Variants in WHRN observed in about 807,000 individuals in gnomAD.
The protein encoded by WHRN is whirlin, also known as CASK-interacting protein CIP98.
WHRN carries 41 observed loss-of-function variants against 68.3 expected under a neutral mutation model. The observed-to-expected ratio is 0.60, with a 90% CI of 0.47 to 0.78. The LOEUF is 0.78. WHRN is among the 30% of genes least tolerant of loss of function. WHRN has a pLI of 0.00. For missense variants in WHRN, 1,243 were observed against 1,244.7 expected (o/e 1.00, Z 0.02); for synonymous variants, 560 against 561.3 (o/e 1.00, Z 0.03).
At chr9:114,448,344 G>A (rs531463982) in intron 3 of WHRN, among the ~76,000 whole-genome samples, 46 of 152,234 alleles carry the variant, frequency 3.0e-4, no homozygotes, top group African/African-American at 8.4e-4. Flanking sequence ...CTGGAAGAGC[G>A]GTTGGAGGGA....
intron 1 of WHRN, among the ~76,000 whole-genome samples, chr9:114,483,380 T>A (rs1451131835): frequency 1.3e-5 from 2 of 152,238 alleles, no homozygotes; most frequent in African/African-American, 4.8e-5. Context: ...CTGCTCCTAC[T>A]GCCTTCTTGT....
In WHRN at chr9:114,403,305, C is replaced by T. The variant is rs762248099; in HGVS notation, c.2453G>A (p.Arg818His). The T allele has an allele frequency of 2.4e-5, 38 of 1,614,002 alleles. No homozygotes were observed. The South Asian group carries it at 3.1e-4, about 13-fold the overall frequency. Residue 818 changes from arginine (R) to histidine (H), a missense_variant, in exon 11 of 12, where the codon CGT becomes CAT. Physicochemically the swap from Arg to His is conservative, Grantham distance 29. Transcript: ENST00000362057. ...GLLEPTSTLV[R>H]VKKSAATLGI... Reference sequence around the variant, plus strand: ...CAGGGTGGCCGCACTTTTCTTCACACGGACCAGAGTGGACGTGGGCTCCAG... The same window carrying T: ...CAGGGTGGCCGCACTTTTCTTCACATGGACCAGAGTGGACGTGGGCTCCAG...
chr9:114,412,414 G>A (rs998884868), intron 7 of WHRN, among the ~76,000 whole-genome samples: 2 of 152,184 alleles, frequency 1.3e-5, no homozygotes, highest in African/African-American at 4.8e-5. Context: ...GAGCCTCAGT[G>A]AGGGCATAGA....
intron 1 of WHRN, chr9:114,503,121 C>G: frequency 1.0e-6 from 1 of 985,462 alleles, no homozygotes. Flanking sequence ...ACACAGGCCA[C>G]TGAACGGCAC....
At chr9:114,490,735 C>T (rs1188596951) in intron 1 of WHRN, among the ~76,000 whole-genome samples, 7 of 152,040 alleles carry the variant, frequency 4.6e-5, no homozygotes, top group Admixed American at 4.6e-4. Flanking sequence ...TGAGTTAAGG[C>T]TGTGTGAAAA....
chr9:114,472,323 G>A (rs1161161389), intron 2 of WHRN, among the ~76,000 whole-genome samples: 2 of 152,214 alleles, frequency 1.3e-5, no homozygotes, highest in Non-Finnish European at 1.5e-5. Flanking sequence ...CATGCCTGCT[G>A]CCTCACTCCT....
At chr9:114,415,749 A>C (rs1835771065) in intron 7 of WHRN, among the ~76,000 whole-genome samples, 1 of 152,232 alleles carries the variant, frequency 6.6e-6, no homozygotes, top group South Asian at 2.1e-4. Flanking sequence ...GCTGCATAGA[A>C]GAAGGAGTGG....
chr9:114,502,734 A>C (rs1168442396), intron 1 of WHRN, among the ~76,000 whole-genome samples: 3 of 152,186 alleles, frequency 2.0e-5, no homozygotes, highest in African/African-American at 7.2e-5. Context: ...AAGTCTTTTT[A>C]AATTGCCACT....
chr9:114,403,451 CT>C (rs1834812148), intron 10 of WHRN, 112 bp from the exon 11 acceptor site: 1 of 1,434,268 alleles, frequency 7.0e-7, no homozygotes, highest in African/African-American at 1.4e-5. Flanking sequence ...GGCTCCAGCC[CT>C]GTGTCGGGAG....
At chr9:114,411,377 T>G (rs1350313299) in intron 7 of WHRN, among the ~76,000 whole-genome samples, 1 of 152,142 alleles carries the variant, frequency 6.6e-6, no homozygotes, top group East Asian at 1.9e-4. Flanking sequence ...CTCAGAGGTA[T>G]CTACAGCAAA....
intron 3 of WHRN, among the ~76,000 whole-genome samples, chr9:114,433,076 G>A (rs1837554245): frequency 6.6e-6 from 1 of 152,198 alleles, no homozygotes. Context: ...GCTGGGATCT[G>A]GCCTTCATTC....
rs572385753 is a variant in WHRN at position 114,444,000 on chromosome 9, C to T, written c.964-17587G>A. On this transcript the variant is annotated intron_variant, in intron 3 of 11. Transcript: ENST00000362057. ...AAATCATGGGCACTCATGAGACTTA[C>T]TACCACGAGAGCAGTATGGGGTTTC... Among the ~76,000 whole-genome samples, 275 of 152,356 alleles carry T rather than the reference C, an allele frequency of 1.8e-3. 1 individual carries two copies. The highest frequency in any genetic ancestry group is 6.5e-3 in the African/African-American group (270 of 41,574).
At chr9:114,493,932 A>G (rs1392150842) in intron 1 of WHRN, among the ~76,000 whole-genome samples, 1 of 152,234 alleles carries the variant, frequency 6.6e-6, no homozygotes, top group African/African-American at 2.4e-5. Context: ...GCTGGGCTGT[A>G]TGCCGTGCTT....
chr9:114,432,491 A>C (rs918374874), intron 3 of WHRN, among the ~76,000 whole-genome samples: 1 of 152,224 alleles, frequency 6.6e-6, no homozygotes, highest in African/African-American at 2.4e-5. Context: ...TGTGTTGTGC[A>C]AAGTACACCA....
At chr9:114,436,905 TAAA>T (rs957331957) in intron 3 of WHRN, among the ~76,000 whole-genome samples, 2 of 151,758 alleles carry the variant, frequency 1.3e-5, no homozygotes, top group African/African-American at 4.8e-5. Context: ...TAATGAAAAA[TAAA>T]AAACTTTTTG....
intron 3 of WHRN, among the ~76,000 whole-genome samples, chr9:114,455,350 G>A (rs993259241): frequency 6.6e-6 from 1 of 151,992 alleles, no homozygotes; most frequent in Non-Finnish European, 1.5e-5. Flanking sequence ...AAGTAGCCGG[G>A]ACTATAGGCA....
intron 1 of WHRN, among the ~76,000 whole-genome samples, chr9:114,503,863 A>C (rs1844147725): frequency 1.3e-5 from 2 of 152,232 alleles, no homozygotes; most frequent in South Asian, 2.1e-4. Context: ...CAGAGATTTT[A>C]TCTCTTTTAA....
chr9:114,493,084 T>C (rs1589263160), intron 1 of WHRN, among the ~76,000 whole-genome samples: 1 of 152,224 alleles, frequency 6.6e-6, no homozygotes, highest in South Asian at 2.1e-4. Context: ...GCACAGTGGC[T>C]CACGCCTGTA....
intron 3 of WHRN, among the ~76,000 whole-genome samples, chr9:114,428,865 C>A (rs1017397980): frequency 6.6e-6 from 1 of 152,124 alleles, no homozygotes; most frequent in Non-Finnish European, 1.5e-5. Flanking sequence ...CCCACGTGAG[C>A]GAGCTAGCAT....
Sources: allele counts gnomAD v4.1 joint callset (sites outside exome capture counted in the v4.1 genomes callset), GRCh38; gene constraint gnomAD v4.1.1; transcripts MANE v1.5; gene names NCBI Gene and HGNC (gene_info 2026-07-23, HGNC 2026-07-21).